ARHGAP29: variants seen among roughly 807,000 people sequenced by gnomAD.
ARHGAP29 encodes the protein Rho GTPase activating protein 29, also known as rho GTPase-activating protein 29.
Under a neutral mutation model 122.6 loss-of-function variants are expected in ARHGAP29, and 43 were observed. That is an observed-to-expected ratio of 0.35 (90% CI 0.27 to 0.45). The LOEUF (loss-of-function observed/expected upper bound fraction) is 0.45, where lower values mean the gene tolerates loss of function less well. ARHGAP29 is among the 20% of genes least tolerant of loss of function. ARHGAP29 has a pLI of 1.00. For synonymous variants in ARHGAP29, 506 were observed against 497.1 expected, an observed-to-expected ratio of 1.02 and a Z score of -0.24; for missense variants, 1,303 against 1,477.2, an observed-to-expected ratio of 0.88 and a Z score of 1.93.
At chr1:94,182,042 A>G (rs1194751076) in intron 19 of ARHGAP29, among the ~76,000 whole-genome samples, 1 of 152,174 alleles carries the variant, frequency 6.6e-6, no homozygotes, top group East Asian at 1.9e-4. Context: ...TTAATACTGT[A>G]TATGTGGCTC....
chr1:94,203,982 G>T lies in ARHGAP29; in HGVS notation c.710C>A (p.Thr237Asn), dbSNP rs1651031512. 1.2e-6 allele frequency: 2 copies of T among 1,613,524 alleles called. No individual in the cohort carries two copies. The highest frequency in any genetic ancestry group is 2.7e-5 in the African/African-American group (2 of 74,826). Residue 237 changes from threonine to asparagine, a missense_variant, in exon 8 of 23, where the codon ACT becomes AAT. Thr to Asn is a moderately conservative substitution (Grantham distance 65). Around this residue, in one of 3 missense-constraint regions of ARHGAP29, gnomAD observed 592 missense variants for 648.2 expected, o/e 0.91. Transcript: ENST00000260526. ...EKKLNLELES[T>N]RNMVKLAEAT... ...CTCTGCCAACTTGACCATATTTCTA[G>T]TGGACTCCAATTCTGAAAAGTTCAA...
chr1:94,291,670 T>C, the ARHGAP29 span, among the ~76,000 whole-genome samples: 2 of 152,232 alleles, frequency 1.3e-5, no homozygotes, highest in Non-Finnish European at 2.9e-5. Context: ...CTGTCAGCAT[T>C]TGCTTGTCTG....
At position 94,274,444 on chromosome 1, in the gene ARHGAP29, A is replaced by G. The variant is rs115888812; in HGVS notation, c.-33+568T>C. Reference sequence around the variant, plus strand: ...TCAAAGTAAGTGTATTTTAAATCCTACAGAGAAATTCTAACCGAGTTGAAT... The same window carrying G: ...TCAAAGTAAGTGTATTTTAAATCCTGCAGAGAAATTCTAACCGAGTTGAAT... On this transcript the variant is annotated intron_variant and NMD_transcript_variant, in intron 1 of 25. Coordinates refer to the ARHGAP29 transcript ENST00000552844. Among the ~76,000 whole-genome samples, 847 of 152,368 alleles carry G rather than the reference A, an allele frequency of 5.6e-3. 9 individuals are homozygous for G. Among genetic ancestry groups the G allele is most frequent in the African/African-American group, 0.02 (816 of 41,590 alleles).
chr1:94,297,531 C>T, the ARHGAP29 span, among the ~76,000 whole-genome samples: 2 of 152,186 alleles, frequency 1.3e-5, no homozygotes, highest in African/African-American at 2.4e-5. Context: ...TGCTGTTCTA[C>T]TACCCATTCC....
chr1:94,243,425 T>C (rs978649449), intron 1 of ARHGAP29, among the ~76,000 whole-genome samples: 1 of 151,986 alleles, frequency 6.6e-6, no homozygotes, highest in African/African-American at 2.4e-5. Flanking sequence ...TATTTGTAAA[T>C]TATAAAATAT....
rs115432305 is a variant in ARHGAP29, at chr1:94,219,056, T to C, written c.340+1202A>G. On this transcript the variant is annotated intron_variant, in intron 3 of 22. Coordinates refer to ENST00000260526, the MANE Select transcript of ARHGAP29 (RefSeq NM_004815.4). ...CCCAAAGAAGAGTTTCCTTTCCTCA[T>C]TCAGCCTAGAGTGAGTTCCTCACTC... Among the ~76,000 whole-genome samples, 1,375 of 152,232 alleles carry C rather than the reference T, an allele frequency of 9.0e-3. 27 individuals carry two copies. The highest frequency in any genetic ancestry group is 0.031 in the African/African-American group (1,307 of 41,538).
At chr1:94,226,580 C>T (rs1399311857) in intron 2 of ARHGAP29, among the ~76,000 whole-genome samples, 1 of 151,702 alleles carries the variant, frequency 6.6e-6, no homozygotes, top group Admixed American at 6.6e-5. Context: ...AAGTACTCTG[C>T]GATCTGCAAT....
At chr1:94,225,419 A>C (rs1347158459) in intron 2 of ARHGAP29, among the ~76,000 whole-genome samples, 2 of 152,144 alleles carry the variant, frequency 1.3e-5, no homozygotes, top group Non-Finnish European at 1.5e-5. Context: ...GCTACTTTAC[A>C]GTCTTAATAT....
At chr1:94,261,645 C>T (rs1447842457) in intron 1 of ARHGAP29, among the ~76,000 whole-genome samples, 1 of 152,160 alleles carries the variant, frequency 6.6e-6, no homozygotes, top group Non-Finnish European at 1.5e-5. Context: ...GAACGCAATT[C>T]CATTCACAAT....
the ARHGAP29 span, among the ~76,000 whole-genome samples, chr1:94,282,633 A>G: frequency 3.8e-4 from 58 of 152,222 alleles, no homozygotes; most frequent in Middle Eastern, 3.4e-3. Flanking sequence ...GAAGAGAAGT[A>G]AAAAAGGAGG....
chr1:94,283,140 A>AT, the ARHGAP29 span, among the ~76,000 whole-genome samples: 1 of 152,174 alleles, frequency 6.6e-6, no homozygotes, highest in Admixed American at 6.6e-5. Flanking sequence ...ACTCTGTAAG[A>AT]TTTTTTATTG....
At chr1:94,262,953 T>A (rs1380539292) in intron 1 of ARHGAP29, among the ~76,000 whole-genome samples, 2 of 152,156 alleles carry the variant, frequency 1.3e-5, no homozygotes, top group African/African-American at 2.4e-5. Context: ...CATATGTTCA[T>A]GTGCAGCACT....
chr1:94,200,252 C>T (rs2101493269), intron 12 of ARHGAP29, among the ~76,000 whole-genome samples: 1 of 152,278 alleles, frequency 6.6e-6, no homozygotes, highest in African/African-American at 2.4e-5. Context: ...ATAAACAACT[C>T]AATTTTTAAG....
Position 94,180,574 on chromosome 1 carries a change from T to C in ARHGAP29, c.2248-617A>G, listed in dbSNP as rs144655708. Among the ~76,000 whole-genome samples, 593 of 152,308 alleles carry C rather than the reference T, an allele frequency of 3.9e-3. 2 individuals carry two copies. Among genetic ancestry groups the C allele is most frequent in the Non-Finnish European group, 6.1e-3 (417 of 68,010 alleles). On this transcript the variant is annotated intron_variant, in intron 19 of 22. Coordinates refer to ENST00000260526, the MANE Select transcript of ARHGAP29 (RefSeq NM_004815.4). Reference sequence around the variant, plus strand: ...ACACAGGGTACCTCTGACTACTACCTGATGTCCTATTTTATCTGTGGTGAG... The same window carrying C: ...ACACAGGGTACCTCTGACTACTACCCGATGTCCTATTTTATCTGTGGTGAG...
At chr1:94,233,041 C>T (rs1482720207) in intron 1 of ARHGAP29, among the ~76,000 whole-genome samples, 4 of 151,300 alleles carry the variant, frequency 2.6e-5, no homozygotes, top group African/African-American at 9.7e-5. Flanking sequence ...AACTCCTGGG[C>T]TCGGGCCATC....
At chr1:94,207,252 G>T (rs542219010) in intron 5 of ARHGAP29, among the ~76,000 whole-genome samples, 1 of 151,718 alleles carries the variant, frequency 6.6e-6, no homozygotes, top group South Asian at 2.1e-4. Context: ...CAGGTGATCC[G>T]CCCACTTCGC....
At chr1:94,301,548 G>A in the ARHGAP29 span, among the ~76,000 whole-genome samples, 1 of 152,204 alleles carries the variant, frequency 6.6e-6, no homozygotes, top group Non-Finnish European at 1.5e-5. Context: ...GGGGAGGGAA[G>A]GAAGGCTCTG....
At chr1:94,284,622 A>G in the ARHGAP29 span, among the ~76,000 whole-genome samples, 3 of 152,318 alleles carry the variant, frequency 2.0e-5, no homozygotes, top group Admixed American at 2.0e-4. Context: ...GATGGAGGCA[A>G]CTTGGGTCCT....
At chr1:94,258,098 C>T (rs1344650850) in intron 1 of ARHGAP29, among the ~76,000 whole-genome samples, 1 of 152,164 alleles carries the variant, frequency 6.6e-6, no homozygotes, top group Non-Finnish European at 1.5e-5. Context: ...AGAGACAAGA[C>T]CTCCTGCAGG....
Sources: gnomAD v4.1 joint callset for allele counts (sites outside exome capture counted in the v4.1 genomes callset) on GRCh38, gnomAD v4.1.1 for gene constraint, gnomAD v4.1.1 regional missense constraint, MANE v1.5 for transcripts, NCBI Gene and HGNC (gene_info 2026-07-23, HGNC 2026-07-21) for gene names.